TSHZ2: variants seen among roughly 807,000 people sequenced by gnomAD.
TSHZ2 encodes the protein teashirt zinc finger homeobox 2, also known as teashirt homolog 2.
In TSHZ2, 21 loss-of-function variants were observed where a neutral mutation model predicts 74.4. The observed-to-expected ratio is 0.28, with a 90% confidence interval of 0.20 to 0.41. The LOEUF is 0.41. Ranked by LOEUF, TSHZ2 falls within the 10% of genes least tolerant of loss-of-function variation. The pLI, the probability that TSHZ2 is intolerant of heterozygous loss-of-function variation, is 1.00. For missense variants in TSHZ2, 1,244 were observed against 1,293.5 expected, an observed-to-expected ratio of 0.96 and a Z score of 0.59; for synonymous variants, 540 against 515.3, an observed-to-expected ratio of 1.05 and a Z score of -0.65.
At chr20:53,473,851 G>A (rs960417269) in intron 2 of TSHZ2, among the ~76,000 whole-genome samples, 8 of 152,192 alleles carry the variant, frequency 5.3e-5, no homozygotes, top group Non-Finnish European at 8.8e-5. Flanking sequence ...GGAGAACTAC[G>A]TGAAGAAGGC....
chr20:53,173,551 T>C (rs1233966154), intron 1 of TSHZ2, among the ~76,000 whole-genome samples: 3 of 152,286 alleles, frequency 2.0e-5, no homozygotes, highest in Admixed American at 6.5e-5. Flanking sequence ...GAGGTTGCAG[T>C]GAGCCGACGT....
rs561491560 is a variant in TSHZ2, at chr20:53,489,813, T to A, written c.*2678T>A. On this transcript the variant is annotated 3_prime_UTR_variant, in exon 3 of 3. Coordinates refer to ENST00000371497, the MANE Select transcript of TSHZ2 (RefSeq NM_173485.6). ...ATCTGGGCTGGCACTGGGGCATACA[T>A]CACCACTCAGCATATTCCTAGAGGC... 1 of 151,816 alleles carries A rather than the reference T, an allele frequency of 6.6e-6. No individual in the cohort carries two copies. Among genetic ancestry groups the A allele is most frequent in the South Asian group, 2.1e-4 (1 of 4,838 alleles). 9.4% of individuals were successfully genotyped at this position (151,816 alleles called of 1,614,324 possible).
At chr20:53,155,924 AT>A (rs986050348) in intron 1 of TSHZ2, among the ~76,000 whole-genome samples, 5 of 152,264 alleles carry the variant, frequency 3.3e-5, no homozygotes, top group African/African-American at 9.6e-5. Context: ...TTTCTCTAAT[AT>A]TTTTTAAAAC....
chr20:53,145,426 G>C (rs1188520685), intron 1 of TSHZ2, among the ~76,000 whole-genome samples: 1 of 152,138 alleles, frequency 6.6e-6, no homozygotes, highest in Non-Finnish European at 1.5e-5. Flanking sequence ...ATGACACCTT[G>C]TATCAAGAAT....
chr20:53,231,185 G>A (rs1241344426), intron 1 of TSHZ2, among the ~76,000 whole-genome samples: 1 of 152,168 alleles, frequency 6.6e-6, no homozygotes, highest in Non-Finnish European at 1.5e-5. Flanking sequence ...TTTATGTTTG[G>A]CTAAAACAAG....
intron 1 of TSHZ2, among the ~76,000 whole-genome samples, chr20:53,204,314 CATG>C (rs1270137255): frequency 7.4e-5 from 9 of 122,448 alleles, no homozygotes; most frequent in African/African-American, 2.2e-4. Context: ...CATCATATAA[CATG>C]ATGATATGAT....
chr20:53,044,870 C>A (rs937562221), intron 1 of TSHZ2, among the ~76,000 whole-genome samples: 1 of 152,066 alleles, frequency 6.6e-6, no homozygotes, highest in Non-Finnish European at 1.5e-5. Flanking sequence ...CCACCATGCC[C>A]GGCTAATTTT....
rs955410120 is a variant in TSHZ2, at chr20:53,403,970, G to A, written c.*9-83174G>A. Among the ~76,000 whole-genome samples the A allele has an allele frequency of 2.0e-5, 3 of 152,124 alleles. No individual in the cohort carries two copies. In the East Asian group the frequency reaches 5.8e-4, roughly 29 times the overall value. On this transcript the variant is annotated intron_variant, in intron 2 of 2. Transcript: ENST00000371497. ...CCTGGGATGAGTCTTTGAGGAAAAA[G>A]CAGTCTTTTAATAATCAAAATCTTC...
At chr20:53,288,426 A>T (rs1360017389) in intron 2 of TSHZ2, among the ~76,000 whole-genome samples, 1 of 150,972 alleles carries the variant, frequency 6.6e-6, no homozygotes, top group Non-Finnish European at 1.5e-5. Flanking sequence ...AAAAAAAAAA[A>T]ACTAGCTACT....
chr20:53,291,107 A>G (rs570303949), intron 2 of TSHZ2, among the ~76,000 whole-genome samples: 3 of 152,334 alleles, frequency 2.0e-5, no homozygotes, highest in African/African-American at 4.8e-5. Context: ...CCTCAAGAAC[A>G]TGAAAACTGA....
At chr20:52,997,213 T>C (rs1488028749) in intron 1 of TSHZ2, among the ~76,000 whole-genome samples, 2 of 151,932 alleles carry the variant, frequency 1.3e-5, no homozygotes, top group Non-Finnish European at 2.9e-5. Flanking sequence ...AAAGGAGAAC[T>C]CGCCTCCCAG....
At chr20:53,361,496 A>G (rs1009445899) in intron 2 of TSHZ2, among the ~76,000 whole-genome samples, 1 of 152,212 alleles carries the variant, frequency 6.6e-6, no homozygotes, top group African/African-American at 2.4e-5. Flanking sequence ...ACTCTTTTTT[A>G]TAACTCAACT....
At chr20:53,367,448 C>T (rs1273301824) in intron 2 of TSHZ2, among the ~76,000 whole-genome samples, 2 of 151,938 alleles carry the variant, frequency 1.3e-5, no homozygotes, top group African/African-American at 2.4e-5. Flanking sequence ...TTTTAAAAAA[C>T]AACTTTACTC....
At chr20:53,079,312 C>G (rs1019677280) in intron 1 of TSHZ2, among the ~76,000 whole-genome samples, 8 of 152,100 alleles carry the variant, frequency 5.3e-5, no homozygotes, top group Admixed American at 5.2e-4. Flanking sequence ...AGAAGCCAGA[C>G]TGGGTGGGTT....
chr20:53,119,582 A>T (rs1568768680), intron 1 of TSHZ2, among the ~76,000 whole-genome samples: 2 of 152,236 alleles, frequency 1.3e-5, no homozygotes, highest in African/African-American at 4.8e-5. Flanking sequence ...GCTATGTTTT[A>T]TGAAATACAC....
At chr20:53,410,620 T>TATTATTATTATTA (rs1443416233) in intron 2 of TSHZ2, among the ~76,000 whole-genome samples, 3 of 148,462 alleles carry the variant, frequency 2.0e-5, no homozygotes, top group African/African-American at 7.4e-5. Flanking sequence ...TTATTATTAT[T>TATTATTATTATTA]ATTATTAGCT....
chr20:52,994,588 C>A (rs1043839192), intron 1 of TSHZ2, among the ~76,000 whole-genome samples: 2 of 152,196 alleles, frequency 1.3e-5, no homozygotes, highest in African/African-American at 4.8e-5. Context: ...CAGGTGGGCC[C>A]TGACATTTTC....
At chr20:53,342,269 G>A (rs1322837413) in intron 2 of TSHZ2, among the ~76,000 whole-genome samples, 1 of 147,692 alleles carries the variant, frequency 6.8e-6, no homozygotes, top group African/African-American at 2.5e-5. Context: ...GTCTCCTTGG[G>A]CTCTTGTTGG....
At chr20:52,984,913 T>C (rs1981698387) in intron 1 of TSHZ2, among the ~76,000 whole-genome samples, 1 of 152,232 alleles carries the variant, frequency 6.6e-6, no homozygotes. Context: ...AGGTTAGCCA[T>C]GAATATTTTC....
Sources: gnomAD v4.1 joint callset for allele counts (sites outside exome capture counted in the v4.1 genomes callset) on GRCh38, gnomAD v4.1.1 for gene constraint, MANE v1.5 for transcripts, NCBI Gene and HGNC (gene_info 2026-07-23, HGNC 2026-07-21) for gene names.